Variants in VASH2 observed in about 807,000 individuals in gnomAD.
VASH2 encodes the protein tubulinyl-Tyr carboxypeptidase 2.
In VASH2, 28 loss-of-function variants were observed where a neutral mutation model predicts 37.2. The observed-to-expected ratio is 0.75, with a 90% CI of 0.56 to 1.03. The LOEUF (loss-of-function observed/expected upper bound fraction) is 1.03. VASH2 is among the 50% of genes least tolerant of loss of function. The probability of loss-of-function intolerance (pLI) is 0.00; values close to 1 mark genes in which losing one functional copy is unlikely to be tolerated. For synonymous variants in VASH2, 188 were observed against 174.7 expected (o/e 1.08, Z -0.60); for missense variants, 419 against 459.1 (o/e 0.91, Z 0.80).
At chr1:212,982,824 G>A (rs1667375535) in intron 7 of VASH2, among the ~76,000 whole-genome samples, 1 of 152,176 alleles carries the variant, frequency 6.6e-6, no homozygotes, top group Non-Finnish European at 1.5e-5. Context: ...GGTGGCAGGG[G>A]TGGGGATACA....
rs1666326043 is a variant in VASH2 at position 212,951,960 on chromosome 1, T to G, written c.276+142T>G. 2 of 1,047,380 alleles carry G rather than the reference T, an allele frequency of 1.9e-6. No homozygotes were observed. The highest frequency in any genetic ancestry group is 5.3e-5 in the East Asian group (2 of 38,088). 64.9% of individuals were successfully genotyped at this position (1,047,380 alleles called of 1,614,324 possible). A position where few individuals can be genotyped will look rare whatever the true frequency, so the allele number is the denominator to read the frequency against. On this transcript the variant is annotated intron_variant, in intron 2 of 7. Coordinates refer to ENST00000517399, the MANE Select transcript of VASH2 (RefSeq NM_001301056.2). The surrounding 1 kb of genome is among the most constrained non-coding windows in gnomAD (Gnocchi z 4.4). ...CTCCCTTCCTCTCCCCATTCCTTCC[T>G]GCCAGCCCTTTTCTAATTGAGATAT...
chr1:212,984,606 G>C (rs1393357611), intron 7 of VASH2, among the ~76,000 whole-genome samples: 3 of 152,304 alleles, frequency 2.0e-5, no homozygotes, highest in Middle Eastern at 6.8e-3. Flanking sequence ...GTTTCAGAAG[G>C]AGGAGAGGTG....
intron 7 of VASH2, among the ~76,000 whole-genome samples, chr1:212,982,366 T>A (rs1385536553): frequency 6.6e-6 from 1 of 152,198 alleles, no homozygotes; most frequent in Admixed American, 6.5e-5. Context: ...TTGCCTTGTT[T>A]GGAGGAGGAT....
chr1:212,973,859 T>C (rs1211413486), intron 6 of VASH2, 96 bp from the exon 7 acceptor site: 5 of 1,486,624 alleles, frequency 3.4e-6, no homozygotes, highest in Non-Finnish European at 4.5e-6. Flanking sequence ...CATGGCATCA[T>C]GATTGGGCTG....
intron 2 of VASH2, among the ~76,000 whole-genome samples, chr1:212,953,615 G>A (rs1273033417): frequency 2.0e-5 from 3 of 152,162 alleles, no homozygotes. Flanking sequence ...CCTAGTCTTG[G>A]TTGTATGACA....
chr1:212,980,730 G>A lies in VASH2; in HGVS notation c.995+6660G>A, dbSNP rs563168617. Among the ~76,000 whole-genome samples the A allele has an allele frequency of 4.6e-5, 7 of 152,352 alleles. No homozygotes were observed. In the South Asian group the frequency reaches 1.4e-3, roughly 32 times the overall value. ...TCTAATCACATTGACTGGTGCCCAA[G>A]AAGTAATTCTCCTTAGATCCCAAAT... On this transcript the variant is annotated intron_variant, in intron 7 of 7. Transcript: ENST00000517399.
chr1:212,966,944 T>C, intron 5 of VASH2: 1 of 435,044 alleles, frequency 2.3e-6, no homozygotes, highest in Admixed American at 2.9e-5. Context: ...TTTCACCATG[T>C]TTCACCAGCA....
intron 7 of VASH2, among the ~76,000 whole-genome samples, chr1:212,981,971 C>G (rs1667352678): frequency 6.6e-6 from 1 of 152,228 alleles, no homozygotes; most frequent in African/African-American, 2.4e-5. Flanking sequence ...GAGGCTGCCT[C>G]AGAGTGTGAA....
intron 2 of VASH2, among the ~76,000 whole-genome samples, chr1:212,955,210 A>G: frequency 6.6e-6 from 1 of 152,198 alleles, no homozygotes; most frequent in East Asian, 1.9e-4. Flanking sequence ...GTAGACTAAG[A>G]AGCAAAAGAA....
chr1:212,954,998 T>C (rs1271224171), intron 2 of VASH2, among the ~76,000 whole-genome samples: 1 of 152,214 alleles, frequency 6.6e-6, no homozygotes, highest in Admixed American at 6.5e-5. Context: ...AAGCTCCCTT[T>C]TCCAGGGGCC....
At chr1:212,958,311 C>A (rs1457928622) in intron 2 of VASH2, among the ~76,000 whole-genome samples, 1 of 152,228 alleles carries the variant, frequency 6.6e-6, no homozygotes, top group Admixed American at 6.5e-5. Flanking sequence ...ACTGCCCTGC[C>A]CCCAGCTGGG....
intron 7 of VASH2, among the ~76,000 whole-genome samples, chr1:212,981,910 G>A (rs971498942): frequency 6.6e-6 from 1 of 152,206 alleles, no homozygotes; most frequent in Admixed American, 6.5e-5. Context: ...GAGGCTTCTT[G>A]TGGCTGCACA....
At chr1:212,959,441 G>T (rs528861774) in intron 2 of VASH2, among the ~76,000 whole-genome samples, 1,228 of 105,778 alleles carry the variant, frequency 0.012, 72 homozygotes, top group Admixed American at 0.1. Context: ...ACATTCACAC[G>T]CACATTCACA....
chr1:212,951,844 G>A lies in VASH2; in HGVS notation c.276+26G>A, dbSNP rs746888429. ...GTCAGTGGCTTCCAGGGCGGAGTTG[G>A]GGGGCTGGGGGTAGGTAGGCAGCGA... is the stretch of plus-strand genomic sequence containing the variant. On this transcript the variant is annotated intron_variant, in intron 2 of 7. Coordinates refer to ENST00000517399, the MANE Select transcript of VASH2 (RefSeq NM_001301056.2). The surrounding 1 kb of genome is among the most constrained non-coding windows in gnomAD (Gnocchi z 4.4). 6.9e-6 allele frequency: 11 copies of A among 1,585,338 alleles called. No homozygotes were observed. The highest frequency in any genetic ancestry group is 8.5e-6 in the Non-Finnish European group (10 of 1,171,386).
At chr1:212,957,766 A>T (rs950256634) in intron 2 of VASH2, among the ~76,000 whole-genome samples, 5 of 151,952 alleles carry the variant, frequency 3.3e-5, no homozygotes, top group African/African-American at 1.2e-4. Context: ...GCCTACCACC[A>T]TGCCCAGCTG....
intron 2 of VASH2, among the ~76,000 whole-genome samples, chr1:212,957,026 T>C (rs533753993): frequency 1.3e-5 from 2 of 152,324 alleles, no homozygotes; most frequent in South Asian, 4.1e-4. Context: ...TAACTTTCCA[T>C]TTCCCTCTCT....
intron 7 of VASH2, among the ~76,000 whole-genome samples, chr1:212,986,548 T>A (rs1572085459): frequency 6.6e-6 from 1 of 152,270 alleles, no homozygotes; most frequent in East Asian, 1.9e-4. Flanking sequence ...GGAATATAAA[T>A]TTGAATCCCC....
At chr1:212,965,289 A>T (rs964205550) in intron 3 of VASH2, among the ~76,000 whole-genome samples, 1 of 152,204 alleles carries the variant, frequency 6.6e-6, no homozygotes, top group Non-Finnish European at 1.5e-5. Context: ...TGTATACCTG[A>T]GGTCCCAGCT....
chr1:212,972,686 GGCCGCTATGGCTCATTGGGCATGA>G lies in VASH2; in HGVS notation c.610_633del (p.Tyr204_Arg211del). The G allele has an allele frequency of 6.2e-7, 1 of 1,614,270 alleles. No individual in the cohort carries two copies. The highest frequency in any genetic ancestry group is 1.1e-5 in the South Asian group (1 of 91,084). Reference sequence around the variant, plus strand: ...CGTTGTGCTGGGGATTTACTGCAATGGCCGCTATGGCTCATTGGGCATGAGCCGCAGGGCTGAGCTGATGGACAA... The same window carrying G: ...CGTTGTGCTGGGGATTTACTGCAATGGCCGCAGGGCTGAGCTGATGGACAA... On this transcript the variant is annotated inframe_deletion, in exon 6 of 8. Coordinates refer to ENST00000517399, the MANE Select transcript of VASH2 (RefSeq NM_001301056.2).
Sources: allele counts gnomAD v4.1 joint callset (sites outside exome capture counted in the v4.1 genomes callset), GRCh38; gene constraint gnomAD v4.1.1; non-coding constraint Gnocchi (gnomAD v3.1); transcripts MANE v1.5; gene names NCBI Gene and HGNC (gene_info 2026-07-23, HGNC 2026-07-21).